The following OTUD7A variants were observed in gnomAD, a reference collection of about 807,000 sequenced individuals.
The protein encoded by OTUD7A is OTU domain-containing protein 7A.
In OTUD7A, 12 loss-of-function variants were observed where a neutral mutation model predicts 65.7. The observed-to-expected ratio is 0.18, with a 90% CI of 0.12 to 0.30. OTUD7A has a LOEUF of 0.30. Ranked by LOEUF, OTUD7A falls within the 10% of genes least tolerant of loss-of-function variation. The pLI is 1.00. For missense variants in OTUD7A, 1,148 were observed against 1,304.8 expected, an observed-to-expected ratio of 0.88 and a Z score of 1.85; for synonymous variants, 641 against 586.3, an observed-to-expected ratio of 1.09 and a Z score of -1.35.
chr15:31,709,359 C>T (rs1337519988), intron 1 of OTUD7A, among the ~76,000 whole-genome samples: 1 of 152,188 alleles, frequency 6.6e-6, no homozygotes, highest in African/African-American at 2.4e-5. Context: ...CGGGGCACCA[C>T]AGGTGTGGAC....
chr15:31,834,691 T>C (rs1292348585), intron 1 of OTUD7A, among the ~76,000 whole-genome samples: 1 of 152,216 alleles, frequency 6.6e-6, no homozygotes, highest in African/African-American at 2.4e-5. Context: ...CTCAAGACAA[T>C]GCTTATGATG....
intron 5 of OTUD7A, among the ~76,000 whole-genome samples, chr15:31,544,269 T>C (rs1888067074): frequency 6.6e-6 from 1 of 151,664 alleles, no homozygotes; most frequent in African/African-American, 2.4e-5. Flanking sequence ...CCTTAAATAC[T>C]TGCAAGAGTT....
intron 4 of OTUD7A, among the ~76,000 whole-genome samples, chr15:31,565,050 A>G (rs1352366257): frequency 6.6e-6 from 1 of 152,222 alleles, no homozygotes; most frequent in Non-Finnish European, 1.5e-5. Context: ...CAAATACAGC[A>G]GAAAGGATGA....
intron 3 of OTUD7A, among the ~76,000 whole-genome samples, chr15:31,619,168 G>T (rs1437117653): frequency 6.6e-6 from 1 of 152,138 alleles, no homozygotes. Context: ...TGCTGTTTTG[G>T]TTACTGCAAC....
intron 8 of OTUD7A, among the ~76,000 whole-genome samples, chr15:31,513,171 C>A (rs1357627152): frequency 6.6e-6 from 1 of 152,218 alleles, no homozygotes; most frequent in Non-Finnish European, 1.5e-5. Flanking sequence ...ACATCCAACC[C>A]AATTAACCTT....
At chr15:31,776,881 C>T (rs1433406892) in intron 1 of OTUD7A, among the ~76,000 whole-genome samples, 1 of 152,054 alleles carries the variant, frequency 6.6e-6, no homozygotes, top group Non-Finnish European at 1.5e-5. Flanking sequence ...CCCAGCATGG[C>T]ACATGTATAC....
chr15:31,843,183 A>G (rs1897224743), intron 1 of OTUD7A, among the ~76,000 whole-genome samples: 1 of 152,056 alleles, frequency 6.6e-6, no homozygotes, highest in African/African-American at 2.4e-5. Flanking sequence ...AAAATTCCCT[A>G]GGAAGGTGGC....
rs549536798 is a variant in OTUD7A, at chr15:31,714,185, T to C, written c.-99-57108A>G. ...CCAAAAAATACAGGAAGTATCGCCA[T>C]AGGACTAAGAACTAGAAGCAGCCCA... On this transcript the variant is annotated intron_variant, in intron 1 of 12. Coordinates refer to ENST00000307050, the MANE Select transcript of OTUD7A (RefSeq NM_001382637.1). Among the ~76,000 whole-genome samples the C allele has an allele frequency of 2.6e-4, 40 of 151,580 alleles. 1 individual carries two copies. Among genetic ancestry groups the C allele is most frequent in the African/African-American group, 9.4e-4 (39 of 41,448 alleles).
intron 7 of OTUD7A, 23 bp from the exon 8 acceptor site, chr15:31,526,484 G>A: frequency 6.5e-7 from 1 of 1,534,674 alleles, no homozygotes; most frequent in Middle Eastern, 1.8e-4. Flanking sequence ...AGCCGGCTCA[G>A]AAGGGGGGTG....
intron 5 of OTUD7A, among the ~76,000 whole-genome samples, chr15:31,533,435 C>T (rs1281988757): frequency 1.3e-5 from 2 of 152,012 alleles, no homozygotes; most frequent in African/African-American, 4.8e-5. Context: ...TAGAGTTTTA[C>T]CATGTTGGCC....
intron 3 of OTUD7A, among the ~76,000 whole-genome samples, chr15:31,648,357 G>C (rs1891739444): frequency 1.3e-5 from 2 of 152,184 alleles, no homozygotes; most frequent in African/African-American, 4.8e-5. Flanking sequence ...AGTTCCCACA[G>C]AGACTAAAGA....
intron 1 of OTUD7A, among the ~76,000 whole-genome samples, chr15:31,840,762 T>C (rs560663280): frequency 6.6e-6 from 1 of 152,368 alleles, no homozygotes; most frequent in South Asian, 2.1e-4. Flanking sequence ...AGATTTCACA[T>C]TACTCAATCT....
intron 1 of OTUD7A, among the ~76,000 whole-genome samples, chr15:31,735,197 C>T (rs1433204792): frequency 6.6e-6 from 1 of 152,002 alleles, no homozygotes; most frequent in Non-Finnish European, 1.5e-5. Context: ...AATGAGATAC[C>T]ATCTCACACC....
chr15:31,642,591 T>A (rs8032379), intron 3 of OTUD7A, among the ~76,000 whole-genome samples: 43,828 of 152,050 alleles, frequency 0.29, 7,482 homozygotes, highest in African/African-American at 0.47. Context: ...CAAATCATTT[T>A]TTTTTTTTCT....
chr15:31,593,679 G>A (rs182096170), intron 3 of OTUD7A, among the ~76,000 whole-genome samples: 44 of 152,230 alleles, frequency 2.9e-4, no homozygotes, highest in South Asian at 1.7e-3. Flanking sequence ...CGGGACCAGA[G>A]AGGACCAAAA....
chr15:31,538,875 C>T (rs1177906229), intron 5 of OTUD7A, among the ~76,000 whole-genome samples: 1 of 152,164 alleles, frequency 6.6e-6, no homozygotes, highest in Non-Finnish European at 1.5e-5. Context: ...TTCCTTCCTC[C>T]CTCGCTGTAA....
intron 1 of OTUD7A, among the ~76,000 whole-genome samples, chr15:31,807,597 G>T (rs986860067): frequency 6.6e-6 from 1 of 152,122 alleles, no homozygotes; most frequent in Non-Finnish European, 1.5e-5. Flanking sequence ...AGTTTGGGAA[G>T]TGCCTGTCGT....
At chr15:31,516,113 T>C (rs1278812348) in intron 8 of OTUD7A, among the ~76,000 whole-genome samples, 2 of 152,234 alleles carry the variant, frequency 1.3e-5, no homozygotes, top group Admixed American at 6.5e-5. Context: ...ATGCCCAGCA[T>C]GGAGCCTCCT....
chr15:31,806,475 T>C (rs911852336), intron 1 of OTUD7A, among the ~76,000 whole-genome samples: 4 of 152,218 alleles, frequency 2.6e-5, no homozygotes, highest in Non-Finnish European at 4.4e-5. Context: ...GAACCAGACA[T>C]TCAAGACTTC....
Sources: gnomAD v4.1 joint callset for allele counts (sites outside exome capture counted in the v4.1 genomes callset) on GRCh38, gnomAD v4.1.1 for gene constraint, MANE v1.5 for transcripts, NCBI Gene and HGNC (gene_info 2026-07-23, HGNC 2026-07-21) for gene names.